The following EPG5 variants were observed in gnomAD, a reference collection of about 807,000 sequenced individuals.
EPG5 encodes the protein ectopic P-granules 5 autophagy tethering factor.
In EPG5, 159 loss-of-function variants were observed where a neutral mutation model predicts 302.7. The observed-to-expected ratio is 0.53, with a 90% CI of 0.46 to 0.60. EPG5 has a LOEUF of 0.60. EPG5 is among the 20% of genes least tolerant of loss of function. The pLI is 0.00. For missense variants in EPG5, 2,896 were observed against 3,092.4 expected, an observed-to-expected ratio of 0.94 and a Z score of 1.51; for synonymous variants, 1,158 against 1,136.8, an observed-to-expected ratio of 1.02 and a Z score of -0.37.
At chr18:45,874,364 A>C (rs74644438) in intron 35 of EPG5, among the ~76,000 whole-genome samples, 1 of 147,166 alleles carries the variant, frequency 6.8e-6, no homozygotes, top group African/African-American at 2.5e-5. Context: ...AATCTATTAC[A>C]AAAAAAAAAC....
intron 13 of EPG5, among the ~76,000 whole-genome samples, chr18:45,928,308 A>G (rs904699820): frequency 6.6e-6 from 1 of 152,240 alleles, no homozygotes; most frequent in Non-Finnish European, 1.5e-5. Context: ...ATATCTGTGA[A>G]TAGACTAAAA....
Position 45,880,061 on chromosome 18 carries a change from C to G in EPG5, c.5667+14G>C, listed in dbSNP as rs765611023. Reference sequence around the variant, plus strand: ...AGAAATGCACAAACACGTCAGAGACCAAAGGCTACACACCTGCTTGTCTGA... The same window carrying G: ...AGAAATGCACAAACACGTCAGAGACGAAAGGCTACACACCTGCTTGTCTGA... On this transcript the variant is annotated intron_variant, in intron 32 of 43. Coordinates refer to ENST00000282041, the MANE Select transcript of EPG5 (RefSeq NM_020964.3). 6.5e-7 allele frequency: 1 copy of G among 1,539,474 alleles called. No individual in the cohort carries two copies.
At chr18:45,939,197 G>A (rs918422992) in intron 10 of EPG5, among the ~76,000 whole-genome samples, 8 of 152,146 alleles carry the variant, frequency 5.3e-5, no homozygotes, top group Non-Finnish European at 8.8e-5. Flanking sequence ...AACCCTTACC[G>A]GAAGGCAAAT....
chr18:45,935,007 C>T (rs1457349228), intron 10 of EPG5, 41 bp from the exon 11 acceptor site: 1 of 1,557,520 alleles, frequency 6.4e-7, no homozygotes, highest in East Asian at 2.3e-5. Flanking sequence ...TAATCAGCTT[C>T]ATTACACTAA....
intron 19 of EPG5, 32 bp from the exon 20 acceptor site, chr18:45,915,653 G>A: frequency 6.5e-7 from 1 of 1,540,528 alleles, no homozygotes; most frequent in Non-Finnish European, 9.0e-7. Context: ...AGAGAGAGGA[G>A]GTTTTAAGGA....
chr18:45,878,962 T>C, intron 33 of EPG5, 51 bp downstream of exon 33: 1 of 1,457,040 alleles, frequency 6.9e-7, no homozygotes, highest in Non-Finnish European at 9.6e-7. Context: ...TAAATCTCTC[T>C]TAATGGAAAG....
At chr18:45,801,180 G>A in the EPG5 span, among the ~76,000 whole-genome samples, 8 of 152,064 alleles carry the variant, frequency 5.3e-5, no homozygotes, top group African/African-American at 1.9e-4. Context: ...GGGATTACAG[G>A]TGCGTGCTAC....
intron 32 of EPG5, 86 bp downstream of exon 32, chr18:45,879,989 C>T: frequency 7.1e-7 from 1 of 1,414,452 alleles, no homozygotes; most frequent in African/African-American, 1.4e-5. Flanking sequence ...AAAGATAATG[C>T]ACAAGTTTTC....
In EPG5 at chr18:45,951,675, T is replaced by C. The variant is rs8089370; in HGVS notation, c.1253-437A>G. 9.8e-3 allele frequency among the ~76,000 whole-genome samples: 1,486 copies of C among 152,204 alleles called. 27 individuals are homozygous for C. Among genetic ancestry groups the C allele is most frequent in the African/African-American group, 0.034 (1,431 of 41,514 alleles). ...AGTTTCACCATATTGGCCAGGCTGA[T>C]CTTGAACTCCTGACCTCAAGTGATC... is the stretch of plus-strand genomic sequence containing the variant. On this transcript the variant is annotated intron_variant, in intron 3 of 43. Coordinates refer to ENST00000282041, the MANE Select transcript of EPG5 (RefSeq NM_020964.3).
intron 25 of EPG5, 136 bp downstream of exon 25, chr18:45,903,837 C>A: frequency 1.2e-6 from 1 of 863,756 alleles, no homozygotes; most frequent in Non-Finnish European, 1.7e-6. Flanking sequence ...TTGTGTAAGT[C>A]AACTGAAATC....
intron 20 of EPG5, among the ~76,000 whole-genome samples, chr18:45,914,595 T>C (rs971882028): frequency 6.6e-6 from 1 of 152,244 alleles, no homozygotes; most frequent in East Asian, 1.9e-4. Context: ...TACATATAGG[T>C]GCCATCATTA....
At chr18:45,880,931 A>G (rs2049085695) in intron 31 of EPG5, among the ~76,000 whole-genome samples, 1 of 152,174 alleles carries the variant, frequency 6.6e-6, no homozygotes. Context: ...TCTGTGTCCA[A>G]TGGCCACTGG....
chr18:45,953,887 C>A, intron 2 of EPG5: 1 of 985,310 alleles, frequency 1.0e-6, no homozygotes, highest in Non-Finnish European at 1.2e-6. Context: ...GTTTCCTCAT[C>A]CCTTCTCAAC....
intron 24 of EPG5, chr18:45,907,020 G>A (rs1020308815): frequency 2.0e-5 from 3 of 152,168 alleles, no homozygotes; most frequent in African/African-American, 7.2e-5. Flanking sequence ...AAGCTCTTAG[G>A]AGGCAGGGAA....
Position 45,901,100 on chromosome 18 carries a change from C to T in EPG5, c.4542G>A (p.Pro1514=), listed in dbSNP as rs761449592. 3.1e-6 allele frequency: 5 copies of T among 1,614,132 alleles called. No individual in the cohort carries two copies. Among genetic ancestry groups the T allele is most frequent in the Middle Eastern group, 1.6e-4 (1 of 6,062 alleles). ...AAATAACTGGCACAGGAGGCTTCGT[C>T]GGGTGCAGAGCAAGGGGAGGCTGGG... ...EAPQPPLALH[P]TKPPVPVISS... Residue 1514 remains proline, a synonymous_variant, in exon 26 of 44, where the codon CCG becomes CCA. Transcript: ENST00000282041.
In EPG5 at chr18:45,855,585, G is replaced by A; in HGVS notation, c.7545C>T (p.Pro2515=). The change falls in exon 43 of 44, where the codon CCC becomes CCT. Residue 2515 remains proline (P), a synonymous_variant. Transcript: ENST00000282041. ...LRPGSELHLT[P]KAQQALNALE... is the part of the protein sequence containing the mutation. ...TGTATATACTGACCTGCTGAGCTTT[G>A]GGGGTCAGATGTAATTCAGAGCCAG... The A allele has an allele frequency of 6.2e-7, 1 of 1,613,560 alleles. No homozygotes were observed. Among genetic ancestry groups the A allele is most frequent in the Non-Finnish European group, 8.5e-7 (1 of 1,179,516 alleles).
At chr18:45,858,529 C>T (rs1379966402) in intron 41 of EPG5, 37 bp downstream of exon 41, 12 of 1,522,638 alleles carry the variant, frequency 7.9e-6, no homozygotes, top group South Asian at 5.7e-5. Context: ...TAACCAAATA[C>T]AGCAAGTTTG....
chr18:45,839,168 G>A, the EPG5 span: 8 of 1,336,490 alleles, frequency 6.0e-6, no homozygotes, highest in Non-Finnish European at 6.7e-6. Context: ...AAGACCACCT[G>A]GCTGACCCCC....
At chr18:45,964,718 A>G (rs2051212891) in intron 1 of EPG5, among the ~76,000 whole-genome samples, 1 of 152,168 alleles carries the variant, frequency 6.6e-6, no homozygotes, top group Non-Finnish European at 1.5e-5. Context: ...CTGTAATCCC[A>G]GCACTGTGGG....
Sources: allele counts gnomAD v4.1 joint callset (sites outside exome capture counted in the v4.1 genomes callset), GRCh38; gene constraint gnomAD v4.1.1; transcripts MANE v1.5; gene names NCBI Gene and HGNC (gene_info 2026-07-23, HGNC 2026-07-21).